Variants in PGPEP1L observed in about 807,000 individuals in gnomAD.
PGPEP1L encodes the protein pyroglutamyl-peptidase I like.
In PGPEP1L, 7 loss-of-function variants were observed where a neutral mutation model predicts 6.0. That is an observed-to-expected ratio of 1.17 (90% CI 0.66 to 2.19). The LOEUF (loss-of-function observed/expected upper bound fraction) is 2.19. Ranked by LOEUF, PGPEP1L falls within the 30% of genes most tolerant of loss-of-function variation. The pLI, the probability that PGPEP1L is intolerant of heterozygous loss-of-function variation, is 0.00. For synonymous variants in PGPEP1L, 103 were observed against 83.9 expected (o/e 1.23, Z -1.24); for missense variants, 209 against 192.5 (o/e 1.09, Z -0.51).
At chr15:98,982,867 C>T (rs1009086540) in intron 2 of PGPEP1L, among the ~76,000 whole-genome samples, 7 of 152,038 alleles carry the variant, frequency 4.6e-5, no homozygotes, top group South Asian at 4.2e-4. Flanking sequence ...CCAGCCACCA[C>T]GCCCAGCTGA....
At chr15:99,003,067 AAC>A (rs1388799202) in intron 2 of PGPEP1L, among the ~76,000 whole-genome samples, 2 of 152,166 alleles carry the variant, frequency 1.3e-5, no homozygotes, top group Non-Finnish European at 2.9e-5. Flanking sequence ...GAGGGAATGA[AAC>A]AGTTTTGGAC....
intron 2 of PGPEP1L, among the ~76,000 whole-genome samples, chr15:98,982,840 A>T (rs2017687358): frequency 6.7e-6 from 1 of 149,742 alleles, no homozygotes; most frequent in South Asian, 2.1e-4. Flanking sequence ...CCTCCTGAGT[A>T]GCTGGGATTA....
intron 2 of PGPEP1L, among the ~76,000 whole-genome samples, chr15:98,986,417 T>G (rs1161650255): frequency 6.6e-6 from 1 of 152,178 alleles, no homozygotes; most frequent in Non-Finnish European, 1.5e-5. Flanking sequence ...CAATAAAAAC[T>G]CTGGATACCA....
intron 2 of PGPEP1L, among the ~76,000 whole-genome samples, chr15:98,979,999 T>G (rs1256860246): frequency 6.6e-6 from 1 of 152,024 alleles, no homozygotes; most frequent in Non-Finnish European, 1.5e-5. Flanking sequence ...TGCAAAGGCA[T>G]AAGAATGATA....
rs769629747 is a variant in PGPEP1L at position 98,971,199 on chromosome 15, G to T, written c.-141-41C>A. The T allele has an allele frequency of 2.8e-4, 92 of 325,494 alleles. 5 individuals carry two copies. Among genetic ancestry groups the T allele is most frequent in the African/African-American group, 8.6e-4 (12 of 13,922 alleles). 20.2% of individuals were successfully genotyped at this position (325,494 alleles called of 1,614,324 possible). On this transcript the variant is annotated intron_variant, in intron 2 of 4. Coordinates refer to ENST00000535714, the MANE Select transcript of PGPEP1L (RefSeq NM_001167902.2). ...GGTGGACTTGCCTCAGTTGATGGGG[G>T]GGGGGGGGGGGTGGGCACCAAGAGT...
intron 2 of PGPEP1L, among the ~76,000 whole-genome samples, chr15:98,990,646 T>C (rs1432287818): frequency 6.6e-6 from 1 of 152,146 alleles, no homozygotes; most frequent in African/African-American, 2.4e-5. Flanking sequence ...CCACCCCAAA[T>C]AAACAGAATA....
chr15:98,971,891 C>T (rs2017502775), intron 2 of PGPEP1L, among the ~76,000 whole-genome samples: 1 of 152,158 alleles, frequency 6.6e-6, no homozygotes, highest in African/African-American at 2.4e-5. Flanking sequence ...ACTAAAAAGT[C>T]AAAAATGTGG....
rs146449241 is a variant in PGPEP1L at position 98,985,462 on chromosome 15, C to T, written c.-141-14304G>A. On this transcript the variant is annotated intron_variant, in intron 2 of 4. Transcript: ENST00000535714. ...CTGAGGCAAGAGAATTACTTGAACC[C>T]GGGAAGCGGAAGTTGCAGTGAGCCA... Among the ~76,000 whole-genome samples the T allele has an allele frequency of 5.5e-3, 832 of 152,278 alleles. 8 individuals are homozygous for T. Among genetic ancestry groups the T allele is most frequent in the African/African-American group, 0.019 (792 of 41,566 alleles).
At chr15:98,983,933 A>G (rs1384297951) in intron 2 of PGPEP1L, among the ~76,000 whole-genome samples, 1 of 152,084 alleles carries the variant, frequency 6.6e-6, no homozygotes, top group Non-Finnish European at 1.5e-5. Context: ...TGCGGTGTAA[A>G]ATTGAACATT....
intron 2 of PGPEP1L, among the ~76,000 whole-genome samples, chr15:98,996,609 G>A (rs753828011): frequency 4.3e-5 from 4 of 94,024 alleles, no homozygotes; most frequent in Non-Finnish European, 1.1e-4. Context: ...TGTTGTATGT[G>A]TATATGCCTG....
intron 1 of PGPEP1L, among the ~76,000 whole-genome samples, chr15:99,006,177 G>C (rs1212241551): frequency 6.6e-6 from 1 of 152,218 alleles, no homozygotes; most frequent in East Asian, 1.9e-4. Flanking sequence ...TTTGAGAAAC[G>C]AGGATCGCAG....
intron 2 of PGPEP1L, among the ~76,000 whole-genome samples, chr15:98,991,051 G>C (rs1596523135): frequency 6.6e-6 from 1 of 151,976 alleles, no homozygotes; most frequent in African/African-American, 2.4e-5. Flanking sequence ...ACAATTAAAA[G>C]AACTAGGGAA....
chr15:99,002,975 T>C (rs1555473225), intron 2 of PGPEP1L, among the ~76,000 whole-genome samples: 4 of 152,184 alleles, frequency 2.6e-5, no homozygotes, highest in African/African-American at 7.2e-5. Flanking sequence ...GGAGAGAAAC[T>C]TGAATTATAC....
At chr15:98,978,430 T>C (rs1047011701) in intron 2 of PGPEP1L, among the ~76,000 whole-genome samples, 2 of 152,146 alleles carry the variant, frequency 1.3e-5, no homozygotes, top group African/African-American at 4.8e-5. Flanking sequence ...GCAGGCCTAC[T>C]GGATTTTGGA....
At chr15:98,994,593 G>GA (rs201180834) in intron 2 of PGPEP1L, among the ~76,000 whole-genome samples, 27 of 150,178 alleles carry the variant, frequency 1.8e-4, no homozygotes, top group East Asian at 7.8e-4. Flanking sequence ...TATCAAAAAA[G>GA]AAAAAAAAAT....
At chr15:98,977,501 C>G (rs978347223) in intron 2 of PGPEP1L, among the ~76,000 whole-genome samples, 1 of 152,188 alleles carries the variant, frequency 6.6e-6, no homozygotes, top group Middle Eastern at 3.2e-3. Context: ...TTCCAGATGT[C>G]TGTTATTGAT....
intron 2 of PGPEP1L, among the ~76,000 whole-genome samples, chr15:98,977,553 T>C (rs1421778890): frequency 6.6e-6 from 1 of 152,252 alleles, no homozygotes; most frequent in Non-Finnish European, 1.5e-5. Flanking sequence ...ACACTTTATG[T>C]GACCTGAATC....
At chr15:98,975,042 T>C (rs1473866813) in intron 2 of PGPEP1L, among the ~76,000 whole-genome samples, 1 of 152,174 alleles carries the variant, frequency 6.6e-6, no homozygotes, top group Admixed American at 6.5e-5. Flanking sequence ...GCATTATTCA[T>C]AATAGCCAGG....
At position 98,969,434 on chromosome 15, in the gene PGPEP1L, T is replaced by A. The variant is rs750614941; in HGVS notation, c.200A>T (p.Asp67Val). 1 of 1,613,780 alleles carries A rather than the reference T, an allele frequency of 6.2e-7. No homozygotes were observed. The highest frequency in any genetic ancestry group is 1.3e-5 in the African/African-American group (1 of 74,904). Residue 67 changes from aspartate (D) to valine (V), a missense_variant, in exon 4 of 5, where the codon GAT becomes GTT. Coordinates refer to ENST00000535714, the MANE Select transcript of PGPEP1L (RefSeq NM_001167902.2). ...CACCCACAGAGCATACCTGCCTGCA[T>A]CTCGGGAAAAGATCACGTCGACACC... ...VEGVDVIFSR[D>V]AGRYVCDYTY... is the part of the protein sequence containing the mutation.
Sources: gnomAD v4.1 joint callset for allele counts (sites outside exome capture counted in the v4.1 genomes callset) on GRCh38, gnomAD v4.1.1 for gene constraint, MANE v1.5 for transcripts, NCBI Gene and HGNC (gene_info 2026-07-23, HGNC 2026-07-21) for gene names.